The following CPQ variants were observed in gnomAD, a reference collection of about 807,000 sequenced individuals.
CPQ encodes the protein Ser-Met dipeptidase.
In CPQ, 37 loss-of-function variants were observed where a neutral mutation model predicts 45.7. That is an observed-to-expected ratio of 0.81 (90% CI 0.62 to 1.07). The LOEUF is 1.07. Ranked by LOEUF, CPQ falls within the 50% of genes least tolerant of loss-of-function variation. The probability of loss-of-function intolerance (pLI) is 0.00; values close to 1 mark genes in which losing one functional copy is unlikely to be tolerated. For missense variants in CPQ, 537 were observed against 572.9 expected (o/e 0.94, Z 0.64); for synonymous variants, 186 against 205.8 (o/e 0.90, Z 0.82).
chr8:97,013,731 G>A (rs754724745), intron 5 of CPQ, among the ~76,000 whole-genome samples: 44 of 152,268 alleles, frequency 2.9e-4, no homozygotes, highest in Non-Finnish European at 5.1e-4. Flanking sequence ...AGTAGTTGGA[G>A]GTAACTCTTG....
chr8:96,676,696 G>C (rs141996158), intron 1 of CPQ, among the ~76,000 whole-genome samples: 1 of 152,104 alleles, frequency 6.6e-6, no homozygotes, highest in African/African-American at 2.4e-5. Context: ...TATTTCAATA[G>C]TTTTTGGGGT....
intron 5 of CPQ, among the ~76,000 whole-genome samples, chr8:97,002,533 C>T (rs544923288): frequency 1.3e-5 from 2 of 152,268 alleles, no homozygotes; most frequent in African/African-American, 4.8e-5. Context: ...AAAGGTCATT[C>T]AGGAGCAAGT....
chr8:96,896,027 T>G (rs1326097565), intron 4 of CPQ, among the ~76,000 whole-genome samples: 1 of 152,110 alleles, frequency 6.6e-6, no homozygotes, highest in African/African-American at 2.4e-5. Context: ...AATCTCCATT[T>G]GTGTATTTTC....
chr8:96,735,650 G>A (rs1324668059), intron 1 of CPQ, among the ~76,000 whole-genome samples: 3 of 152,232 alleles, frequency 2.0e-5, no homozygotes, highest in Non-Finnish European at 4.4e-5. Context: ...CTTTGTGGGG[G>A]TATTCCTTCT....
chr8:96,698,332 T>C (rs576036810), intron 1 of CPQ, among the ~76,000 whole-genome samples: 48 of 152,134 alleles, frequency 3.2e-4, no homozygotes, highest in Non-Finnish European at 6.0e-4. Flanking sequence ...TCTTTCATGA[T>C]ATACAAAAAT....
At chr8:96,799,180 A>G (rs1810974139) in intron 2 of CPQ, among the ~76,000 whole-genome samples, 1 of 152,224 alleles carries the variant, frequency 6.6e-6, no homozygotes, top group African/African-American at 2.4e-5. Context: ...GTTGTTCACC[A>G]TGGCCTATTC....
chr8:97,065,809 T>C (rs1318820401), intron 6 of CPQ, among the ~76,000 whole-genome samples, 200 bp from the exon 7 acceptor site: 1 of 152,170 alleles, frequency 6.6e-6, no homozygotes, highest in Non-Finnish European at 1.5e-5. Flanking sequence ...ACTCTTGAGT[T>C]TGGCAAATCC....
At chr8:96,862,395 T>A (rs1811938094) in intron 3 of CPQ, among the ~76,000 whole-genome samples, 1 of 151,650 alleles carries the variant, frequency 6.6e-6, no homozygotes, top group Admixed American at 6.6e-5. Context: ...TGGTGCTCAA[T>A]AAATGGTAGT....
chr8:97,064,321 C>A (rs1006156833), intron 6 of CPQ, among the ~76,000 whole-genome samples: 12 of 152,164 alleles, frequency 7.9e-5, no homozygotes, highest in South Asian at 2.1e-4. Flanking sequence ...AGGCTTAGGA[C>A]TGCCAAATTA....
intron 4 of CPQ, among the ~76,000 whole-genome samples, chr8:96,934,323 G>C (rs890782814): frequency 4.6e-5 from 7 of 152,194 alleles, no homozygotes; most frequent in African/African-American, 1.7e-4. Flanking sequence ...CTTTGTGGAG[G>C]AGAAAGCCCT....
At chr8:96,684,077 G>A (rs1339263847) in intron 1 of CPQ, among the ~76,000 whole-genome samples, 2 of 152,014 alleles carry the variant, frequency 1.3e-5, no homozygotes, top group East Asian at 3.9e-4. Flanking sequence ...GATAATTATT[G>A]TGTTTCTTTT....
intron 7 of CPQ, among the ~76,000 whole-genome samples, chr8:97,084,812 C>CTGTGTGTGTG (rs140213784): frequency 0.062 from 9,258 of 150,432 alleles, 477 homozygotes; most frequent in African/African-American, 0.15. Flanking sequence ...TGTGTATACT[C>CTGTGTGTGTG]TGTGTGTGTG....
chr8:96,829,595 T>A (rs1034419363), intron 2 of CPQ, among the ~76,000 whole-genome samples: 1 of 152,132 alleles, frequency 6.6e-6, no homozygotes, highest in Non-Finnish European at 1.5e-5. Flanking sequence ...TCATCTATTT[T>A]TGTCTTCTCT....
At chr8:96,678,903 CAGA>C (rs1432046830) in intron 1 of CPQ, among the ~76,000 whole-genome samples, 1 of 151,800 alleles carries the variant, frequency 6.6e-6, no homozygotes. Context: ...CTTTGTTCTG[CAGA>C]AGATGTTTAG....
chr8:96,740,383 A>G (rs1278328276), intron 1 of CPQ, among the ~76,000 whole-genome samples: 1 of 152,120 alleles, frequency 6.6e-6, no homozygotes, highest in Admixed American at 6.5e-5. Context: ...GGGGTTTTCT[A>G]GATATACAAT....
intron 2 of CPQ, among the ~76,000 whole-genome samples, chr8:96,818,174 G>A (rs184843198): frequency 2.0e-5 from 3 of 151,994 alleles, no homozygotes; most frequent in Admixed American, 2.0e-4. Context: ...AGGAGAGGGA[G>A]AGAGCACCAT....
At chr8:96,936,008 C>T (rs1229747966) in intron 4 of CPQ, among the ~76,000 whole-genome samples, 2 of 151,992 alleles carry the variant, frequency 1.3e-5, no homozygotes, top group Non-Finnish European at 2.9e-5. Context: ...TCTTATGAGC[C>T]CAAGTCAAGT....
intron 7 of CPQ, among the ~76,000 whole-genome samples, chr8:97,105,290 C>T (rs555730506): frequency 2.0e-5 from 3 of 152,160 alleles, no homozygotes; most frequent in Admixed American, 6.6e-5. Flanking sequence ...ACTCTGGATA[C>T]CTCATCTAAG....
chr8:96,669,424 G>T (rs531310237), intron 1 of CPQ, among the ~76,000 whole-genome samples: 23 of 152,228 alleles, frequency 1.5e-4, no homozygotes, highest in African/African-American at 5.1e-4. Flanking sequence ...CCTCTATCTG[G>T]CATTGATGAG....
Sources: gnomAD v4.1 joint callset for allele counts (sites outside exome capture counted in the v4.1 genomes callset) on GRCh38, gnomAD v4.1.1 for gene constraint, MANE v1.5 for transcripts, NCBI Gene and HGNC (gene_info 2026-07-23, HGNC 2026-07-21) for gene names.